Variants in DOK6 observed in about 807,000 individuals in gnomAD.
DOK6 encodes the protein downstream of tyrosine kinase 6.
DOK6 carries 22 observed loss-of-function variants against 44.0 expected under a neutral mutation model. The observed-to-expected ratio is 0.50, with a 90% CI of 0.36 to 0.71. DOK6 has a LOEUF of 0.71. Among genes scored for constraint, DOK6 ranks in the 30% least tolerant of loss-of-function variants. The pLI, the probability that DOK6 is intolerant of heterozygous loss-of-function variation, is 0.00. For synonymous variants in DOK6, 166 were observed against 145.5 expected (o/e 1.14, Z -1.01); for missense variants, 340 against 416.4 (o/e 0.82, Z 1.60).
In DOK6 at chr18:69,677,782, G is replaced by A. The variant is rs1985956234; in HGVS notation, c.338G>A (p.Gly113Glu). ...AAGCACCTCTGCATGGAGTGTCTGG[G>A]GACCAGGCTCAATGATATCAGCCTT... is the stretch of plus-strand genomic sequence containing the variant. Reference protein sequence around the residue: ...WCKHLCMECLGTRLNDISLGE... With the variant: ...WCKHLCMECLETRLNDISLGE... Residue 113 changes from glycine (G) to glutamate (E), a missense_variant, in exon 4 of 8, where the codon GGG becomes GAG. By Grantham distance (98) the Gly-to-Glu change is moderately conservative (BLOSUM62 -2). Coordinates refer to ENST00000382713, the MANE Select transcript of DOK6 (RefSeq NM_152721.6). 6.2e-7 allele frequency: 1 copy of A among 1,613,792 alleles called. No individual in the cohort carries two copies. The highest frequency in any genetic ancestry group is 8.5e-7 in the Non-Finnish European group (1 of 1,179,804).
At chr18:69,666,401 C>A (rs1198951980) in intron 3 of DOK6, among the ~76,000 whole-genome samples, 1 of 152,124 alleles carries the variant, frequency 6.6e-6, no homozygotes, top group Admixed American at 6.5e-5. Flanking sequence ...CATAGCATCA[C>A]CCTTCTCAGC....
intron 1 of DOK6, among the ~76,000 whole-genome samples, chr18:69,551,248 A>C (rs1376596741): frequency 6.6e-6 from 1 of 152,208 alleles, no homozygotes; most frequent in Non-Finnish European, 1.5e-5. Context: ...TACATTAAAA[A>C]ATATGTGTAA....
chr18:69,819,301 G>A (rs757624485), intron 7 of DOK6, among the ~76,000 whole-genome samples: 7 of 151,974 alleles, frequency 4.6e-5, no homozygotes, highest in South Asian at 2.1e-4. Flanking sequence ...AAAAAATCCC[G>A]AGTAAAATGT....
chr18:69,801,019 T>G (rs1348936374), intron 7 of DOK6, among the ~76,000 whole-genome samples: 1 of 152,204 alleles, frequency 6.6e-6, no homozygotes, highest in African/African-American at 2.4e-5. Context: ...TTGATTCATA[T>G]CTCCCAGAGA....
rs1982245082 is a variant in DOK6, at chr18:69,842,174, A to G, written c.*791A>G. On this transcript the variant is annotated 3_prime_UTR_variant, in exon 8 of 8. Transcript: ENST00000382713. ...AAAAAAAAAAAGGCTTCTTATTAGC[A>G]AAAGTATATGTAATCCAGTCTGTTC... 6.6e-6 allele frequency: 1 copy of G among 151,962 alleles called. No homozygotes were observed. Among genetic ancestry groups the G allele is most frequent in the African/African-American group, 2.4e-5 (1 of 41,364 alleles). 9.4% of individuals were successfully genotyped at this position (151,962 alleles called of 1,614,324 possible). A position where few individuals can be genotyped will look rare whatever the true frequency, so the allele number is the denominator to read the frequency against.
chr18:69,658,999 C>A (rs4309493), intron 3 of DOK6, among the ~76,000 whole-genome samples: 1 of 152,026 alleles, frequency 6.6e-6, no homozygotes, highest in Non-Finnish European at 1.5e-5. Context: ...TTTTCTACTT[C>A]GAATATTTGA....
In DOK6 at chr18:69,844,096, A is replaced by C. The variant is rs542515824; in HGVS notation, c.*2713A>C. 1 of 152,274 alleles carries C rather than the reference A, an allele frequency of 6.6e-6. No homozygotes were observed. Among genetic ancestry groups the C allele is most frequent in the East Asian group, 1.9e-4 (1 of 5,184 alleles). The allele number at this position is 152,274 out of a possible 1,614,324, so 9.4% of individuals were successfully genotyped here. On this transcript the variant is annotated 3_prime_UTR_variant, in exon 8 of 8. Coordinates refer to ENST00000382713, the MANE Select transcript of DOK6 (RefSeq NM_152721.6). ...ACTGGAGCAACCAGAAGGGTCATGGAGATGTATACCACTCGCTTGGGCTCG... is the reference window on the plus strand; with the variant it reads ...ACTGGAGCAACCAGAAGGGTCATGGCGATGTATACCACTCGCTTGGGCTCG...
chr18:69,459,190 TG>T (rs1979720191), intron 1 of DOK6, among the ~76,000 whole-genome samples: 4 of 1,996 alleles, frequency 2.0e-3, no homozygotes, highest in Non-Finnish European at 0.011. Context: ...AAATATTTTG[TG>T]TGTGTGTGTG....
chr18:69,491,892 A>G (rs910070057), intron 1 of DOK6, among the ~76,000 whole-genome samples: 3 of 152,214 alleles, frequency 2.0e-5, no homozygotes, highest in South Asian at 2.1e-4. Context: ...CTTTTTTGCC[A>G]ACTGGCTAGA....
chr18:69,635,716 T>C (rs1429258322), intron 3 of DOK6, among the ~76,000 whole-genome samples: 2 of 152,128 alleles, frequency 1.3e-5, no homozygotes, highest in African/African-American at 4.8e-5. Context: ...GAAGAAGATG[T>C]GTTGGGATCC....
In DOK6 at chr18:69,839,790, C is replaced by T. The variant is rs2145139397; in HGVS notation, c.857-1454C>T. 1.3e-5 allele frequency among the ~76,000 whole-genome samples: 2 copies of T among 152,308 alleles called. 1 individual carries two copies. Among genetic ancestry groups the T allele is most frequent in the Non-Finnish European group, 2.9e-5 (2 of 68,016 alleles). On this transcript the variant is annotated intron_variant, in intron 7 of 7. Transcript: ENST00000382713. The stretch of plus-strand genomic sequence containing the variant: ...CAGAAAGTTCTGGAAGCTCAGAGGA[C>T]TGGCGGTGGCAGAGCCAGGGGCGTG...
intron 7 of DOK6, among the ~76,000 whole-genome samples, chr18:69,762,102 G>A (rs949057473): frequency 1.3e-5 from 2 of 152,146 alleles, no homozygotes; most frequent in African/African-American, 4.8e-5. Context: ...CTTGAGCCCA[G>A]GAGTTAAGAC....
chr18:69,806,782 A>C (rs1981062876), intron 7 of DOK6, among the ~76,000 whole-genome samples: 1 of 151,974 alleles, frequency 6.6e-6, no homozygotes, highest in Non-Finnish European at 1.5e-5. Flanking sequence ...TGACAAGCTC[A>C]CTTAGTAATC....
chr18:69,498,954 T>C (rs1980973962), intron 1 of DOK6, among the ~76,000 whole-genome samples: 1 of 152,196 alleles, frequency 6.6e-6, no homozygotes, highest in African/African-American at 2.4e-5. Flanking sequence ...AATGCCTAAG[T>C]AGCTGTTTGA....
chr18:69,503,006 T>C (rs1464158815), intron 1 of DOK6, among the ~76,000 whole-genome samples: 1 of 152,080 alleles, frequency 6.6e-6, no homozygotes. Context: ...TAACTAAATC[T>C]TGACCTAAGA....
intron 1 of DOK6, among the ~76,000 whole-genome samples, chr18:69,476,636 A>C (rs1980273507): frequency 6.6e-6 from 1 of 152,182 alleles, no homozygotes; most frequent in Non-Finnish European, 1.5e-5. Flanking sequence ...GAGGGAAGGG[A>C]TTGGTGACCC....
chr18:69,501,251 TGA>T (rs1981042492), intron 1 of DOK6, among the ~76,000 whole-genome samples: 1 of 152,144 alleles, frequency 6.6e-6, no homozygotes, highest in African/African-American at 2.4e-5. Flanking sequence ...CAAACAATAC[TGA>T]GTTCGTGCTA....
chr18:69,486,391 G>A (rs1980578956), intron 1 of DOK6, among the ~76,000 whole-genome samples: 1 of 152,108 alleles, frequency 6.6e-6, no homozygotes, highest in East Asian at 1.9e-4. Flanking sequence ...ATGATAATGG[G>A]ACAATTAAGA....
chr18:69,806,017 A>G (rs1000315800), intron 7 of DOK6, among the ~76,000 whole-genome samples: 2 of 152,038 alleles, frequency 1.3e-5, no homozygotes, highest in African/African-American at 4.8e-5. Flanking sequence ...TTGAAAAAGT[A>G]TAGGTTTTTT....
Sources: gnomAD v4.1 joint callset for allele counts (sites outside exome capture counted in the v4.1 genomes callset) on GRCh38, gnomAD v4.1.1 for gene constraint, MANE v1.5 for transcripts, NCBI Gene and HGNC (gene_info 2026-07-23, HGNC 2026-07-21) for gene names.